USP40: variants seen among roughly 807,000 people sequenced by gnomAD.
USP40 encodes the protein ubiquitin specific peptidase 40.
In USP40, 143 loss-of-function variants were observed where a neutral mutation model predicts 166.2. The ratio of observed to expected loss-of-function variants is 0.86; its 90% CI spans 0.75 to 0.99. USP40 has a LOEUF of 0.99. USP40 is among the 50% of genes least tolerant of loss of function. The probability of loss-of-function intolerance (pLI) is 0.00; values close to 1 mark genes in which losing one functional copy is unlikely to be tolerated. For missense variants in USP40, 1,444 were observed against 1,479.7 expected (o/e 0.98, Z 0.40); for synonymous variants, 498 against 524.0 (o/e 0.95, Z 0.68).
At chr2:233,497,812 C>T (rs555744617) in intron 23 of USP40, among the ~76,000 whole-genome samples, 2 of 152,358 alleles carry the variant, frequency 1.3e-5, no homozygotes, top group South Asian at 2.1e-4. Flanking sequence ...TTGCTATTGA[C>T]TTACTGACTG....
At chr2:233,564,124 C>T (rs982963625) in intron 2 of USP40, among the ~76,000 whole-genome samples, 1 of 152,196 alleles carries the variant, frequency 6.6e-6, no homozygotes, top group Admixed American at 6.5e-5. Context: ...TTAAATCCCA[C>T]ATGCAATCCA....
intron 22 of USP40, among the ~76,000 whole-genome samples, chr2:233,499,445 T>C (rs1374555595): frequency 2.0e-5 from 3 of 152,240 alleles, no homozygotes; most frequent in Non-Finnish European, 2.9e-5. Context: ...GTCTTTGCTA[T>C]TGTGAACAGT....
chr2:233,492,469 C>T (rs2065410862), intron 25 of USP40, among the ~76,000 whole-genome samples: 1 of 152,206 alleles, frequency 6.6e-6, no homozygotes, highest in South Asian at 2.1e-4. Flanking sequence ...TAGAAACATA[C>T]TGATTAAACA....
rs765611454 is a variant in USP40 at position 233,486,296 on chromosome 2, G to A, written c.3198-319C>T. Among the ~76,000 whole-genome samples, 21 of 152,352 alleles carry A rather than the reference G, an allele frequency of 1.4e-4. No homozygotes were observed. Among genetic ancestry groups the A allele is most frequent in the Non-Finnish European group, 2.1e-4 (14 of 68,034 alleles). ...AGGTACGATGTGGCAGAGAGGGACA[G>A]GGTGAGAGAGGCCTGGCTTGATAGC... On this transcript the variant is annotated intron_variant, in intron 28 of 31. Transcript: ENST00000678225. The surrounding 1 kb of genome is among the most constrained non-coding windows in gnomAD (Gnocchi z 4.0).
intron 17 of USP40, among the ~76,000 whole-genome samples, chr2:233,520,615 C>T (rs1389614027): frequency 6.6e-6 from 1 of 151,820 alleles, no homozygotes; most frequent in Non-Finnish European, 1.5e-5. Flanking sequence ...AAACAGAAGT[C>T]CACAACACAA....
At position 233,525,579 on chromosome 2, in the gene USP40, A is replaced by G; in HGVS notation, c.1726-17T>C. The G allele has an allele frequency of 6.3e-7, 1 of 1,593,616 alleles. No homozygotes were observed. The highest frequency in any genetic ancestry group is 1.1e-5 in the South Asian group (1 of 90,140). ...TTCTAACAGCTGAAGAATATTAATG[A>G]AGGAAAAGAGAATGTTGAAAAGTGA... On this transcript the variant is annotated splice_polypyrimidine_tract_variant and intron_variant, in intron 13 of 31. Coordinates refer to ENST00000678225, the MANE Select transcript of USP40 (RefSeq NM_001365479.2).
chr2:233,519,991 C>G (rs2067543578), intron 17 of USP40, among the ~76,000 whole-genome samples: 1 of 152,106 alleles, frequency 6.6e-6, no homozygotes, highest in East Asian at 1.9e-4. Flanking sequence ...AAACCAGTAA[C>G]TTTTCTCATG....
At position 233,512,651 on chromosome 2, in the gene USP40, T is replaced by G. The variant is rs757181909; in HGVS notation, c.2384-29A>C. 7 of 1,325,606 alleles carry G rather than the reference T, an allele frequency of 5.3e-6. No homozygotes were observed. In the South Asian group the frequency reaches 1.1e-4, roughly 21 times the overall value. The allele number at this position is 1,325,606 out of a possible 1,614,324, so 82.1% of individuals were successfully genotyped here. A position where few individuals can be genotyped will look rare whatever the true frequency, so the allele number is the denominator to read the frequency against. The stretch of plus-strand genomic sequence containing the variant: ...TATATAAAAGGAATATTATTTTTCT[T>G]AGAGAGCTAGGAATTAATAACCTTC... On this transcript the variant is annotated intron_variant, in intron 18 of 31. Transcript: ENST00000678225.
At chr2:233,501,622 T>C (rs368061598) in intron 21 of USP40, among the ~76,000 whole-genome samples, 8 of 152,196 alleles carry the variant, frequency 5.3e-5, no homozygotes, top group African/African-American at 1.7e-4. Context: ...CCTAGATGCA[T>C]TTTGATGGTA....
At position 233,527,145 on chromosome 2, in the gene USP40, A is replaced by G. The variant is rs1462305960; in HGVS notation, c.1725+262T>C. Among the ~76,000 whole-genome samples the G allele has an allele frequency of 4.6e-5, 7 of 152,166 alleles. No homozygotes were observed. In the East Asian group the frequency reaches 5.8e-4, roughly 13 times the overall value. ...TCATTTATTTTCTAAAAAAGAGACA[A>G]CTTTATACTCTTTCTTCCCCTCAAA... is the stretch of plus-strand genomic sequence containing the variant. On this transcript the variant is annotated intron_variant, in intron 13 of 31. Transcript: ENST00000678225.
chr2:233,496,715 C>CAAT lies in USP40; in HGVS notation c.2790+40_2790+42dup, dbSNP rs201378346. 4.5e-3 allele frequency: 6,856 copies of CAAT among 1,524,008 alleles called. 142 individuals carry two copies. The East Asian group carries it at 0.061, about 13-fold the overall frequency. The allele number at this position is 1,524,008 out of a possible 1,614,324, so 94.4% of individuals were successfully genotyped here. ...CTGTATCATCTCTGTAATCAGATAA[C>CAAT]AATTATTACTTAAGAGTTGTCTATT... On this transcript the variant is annotated intron_variant, in intron 24 of 31. Coordinates refer to ENST00000678225, the MANE Select transcript of USP40 (RefSeq NM_001365479.2).
chr2:233,515,535 G>A (rs1329270479), intron 18 of USP40, among the ~76,000 whole-genome samples: 1 of 151,326 alleles, frequency 6.6e-6, no homozygotes, highest in South Asian at 2.1e-4. Context: ...GTCTGTTCAA[G>A]ATTCTAAACC....
chr2:233,556,767 A>G (rs1180285672), intron 5 of USP40, 88 bp downstream of exon 5: 2 of 1,251,574 alleles, frequency 1.6e-6, no homozygotes, highest in Non-Finnish European at 2.1e-6. Context: ...TAAACACTTT[A>G]ATCCTTGTGT....
Position 233,551,402 on chromosome 2 carries a change from T to G in USP40, c.811A>C (p.Ile271Leu). ...TGTTCACAAAAGGGCTTGAGATTAA[T>G]CCGGAGAGGGAATGTATAACAGCTA... The part of the protein sequence containing the change: ...ETSCYTFPLR[I>L]NLKPFCEQSE... The change falls in exon 7 of 32, where the codon ATT becomes CTT. Residue 271 changes from isoleucine (I) to leucine (L), a missense_variant. Transcript: ENST00000678225. 1 of 1,610,020 alleles carries G rather than the reference T, an allele frequency of 6.2e-7. No homozygotes were observed.
At chr2:233,478,254 C>G (rs2064310781) in intron 31 of USP40, among the ~76,000 whole-genome samples, 1 of 152,228 alleles carries the variant, frequency 6.6e-6, no homozygotes, top group Non-Finnish European at 1.5e-5. Flanking sequence ...GCAGGAGGTA[C>G]TGTCCTGAGT....
chr2:233,490,970 G>A (rs1221483974), intron 26 of USP40, 197 bp downstream of exon 26: 2 of 701,672 alleles, frequency 2.9e-6, no homozygotes, highest in Non-Finnish European at 5.3e-6. Flanking sequence ...GTCAGAGGAG[G>A]GACCAGTGAG....
chr2:233,481,562 CAG>C (rs778246610), intron 30 of USP40: 62 of 483,662 alleles, frequency 1.3e-4, no homozygotes, highest in African/African-American at 4.1e-4. Context: ...AGTGGCCAAA[CAG>C]GGGGACTTTA....
At chr2:233,527,295 T>C (rs959601736) in intron 13 of USP40, 112 bp downstream of exon 13, 1 of 1,237,746 alleles carries the variant, frequency 8.1e-7, no homozygotes, top group Non-Finnish European at 1.1e-6. Flanking sequence ...AGATGTCAGA[T>C]CTTCCTAAGC....
chr2:233,491,919 G>A (rs1341001284), intron 25 of USP40, among the ~76,000 whole-genome samples: 1 of 152,142 alleles, frequency 6.6e-6, no homozygotes, highest in Non-Finnish European at 1.5e-5. Flanking sequence ...TGTCTTTACT[G>A]CTGAGCATGC....
Sources: allele counts gnomAD v4.1 joint callset (sites outside exome capture counted in the v4.1 genomes callset), GRCh38; gene constraint gnomAD v4.1.1; non-coding constraint Gnocchi (gnomAD v3.1); transcripts MANE v1.5; gene names NCBI Gene and HGNC (gene_info 2026-07-23, HGNC 2026-07-21).